The following RGS7 variants were observed in gnomAD, a reference collection of about 807,000 sequenced individuals.
RGS7 encodes regulator of G-protein signaling 7.
Under a neutral mutation model 81.1 loss-of-function variants are expected in RGS7, and 27 were observed. The observed-to-expected ratio is 0.33, with a 90% CI of 0.25 to 0.46. The LOEUF (loss-of-function observed/expected upper bound fraction) is 0.46, where lower values mean the gene tolerates loss of function less well. Among genes scored for constraint, RGS7 ranks in the 20% least tolerant of loss-of-function variants. RGS7 has a pLI of 1.00. For synonymous variants in RGS7, 208 were observed against 207.7 expected, an observed-to-expected ratio of 1.00 and a Z score of -0.01; for missense variants, 396 against 607.4, an observed-to-expected ratio of 0.65 and a Z score of 3.66.
Position 241,316,259 on chromosome 1 carries a change from G to A in RGS7, c.78+39440C>T, listed in dbSNP as rs75737191. On this transcript the variant is annotated intron_variant, in intron 2 of 18. Coordinates refer to ENST00000440928, the MANE Select transcript of RGS7 (RefSeq NM_001364886.1). ...ACCTCTCTCTGAACCCAGGTTTTGG[G>A]GGTTTGGGGAGAGTGCTGTTACACA... Among the ~76,000 whole-genome samples, 874 of 152,270 alleles carry A rather than the reference G, an allele frequency of 5.7e-3. 5 individuals are homozygous for A. The highest frequency in any genetic ancestry group is 0.019 in the African/African-American group (805 of 41,544).
intron 3 of RGS7, chr1:240,998,739 T>C (rs886307966): frequency 1.3e-5 from 11 of 857,696 alleles, no homozygotes; most frequent in African/African-American, 1.0e-4. Flanking sequence ...GGTCACCTCA[T>C]CATCGTGCGG....
At chr1:241,029,460 G>T (rs1298081874) in intron 3 of RGS7, among the ~76,000 whole-genome samples, 1 of 152,198 alleles carries the variant, frequency 6.6e-6, no homozygotes, top group Non-Finnish European at 1.5e-5. Flanking sequence ...AAACATTTTG[G>T]AAATGAGTTT....
At chr1:241,194,629 C>A (rs965310545) in intron 2 of RGS7, among the ~76,000 whole-genome samples, 2 of 152,146 alleles carry the variant, frequency 1.3e-5, no homozygotes, top group Admixed American at 6.5e-5. Context: ...CTAACTTCTG[C>A]TTATGGCAAT....
Position 241,288,691 on chromosome 1 carries a change from C to T in RGS7, c.78+67008G>A, listed in dbSNP as rs148208444. Among the ~76,000 whole-genome samples the T allele has an allele frequency of 4.1e-3, 620 of 152,244 alleles. 2 individuals carry two copies. Among genetic ancestry groups the T allele is most frequent in the Non-Finnish European group, 5.6e-3 (380 of 68,022 alleles). On this transcript the variant is annotated intron_variant, in intron 2 of 18. Transcript: ENST00000440928. ...TCTACTTCCATTTTCAAACTGAGGGCGCCTAACAATTGCAATCCTGTAAAG... is the reference window on the plus strand; with the variant it reads ...TCTACTTCCATTTTCAAACTGAGGGTGCCTAACAATTGCAATCCTGTAAAG...
intron 4 of RGS7, among the ~76,000 whole-genome samples, chr1:240,951,538 T>C (rs1310935590): frequency 6.6e-6 from 1 of 152,058 alleles, no homozygotes; most frequent in East Asian, 1.9e-4. Flanking sequence ...TACACAACTC[T>C]AAGGAAAGAA....
intron 3 of RGS7, among the ~76,000 whole-genome samples, chr1:241,062,011 T>G (rs576223610): frequency 7.9e-5 from 12 of 152,218 alleles, no homozygotes; most frequent in Non-Finnish European, 1.5e-4. Context: ...TCTATTTTTG[T>G]TTTTCCTTCA....
At chr1:241,085,958 T>C (rs1017220950) in intron 3 of RGS7, among the ~76,000 whole-genome samples, 2 of 152,170 alleles carry the variant, frequency 1.3e-5, no homozygotes, top group African/African-American at 4.8e-5. Context: ...TGAGCCTGCT[T>C]CCCTTGCTGC....
chr1:240,838,828 GCC>G (rs1695128883), intron 9 of RGS7, among the ~76,000 whole-genome samples: 1 of 151,466 alleles, frequency 6.6e-6, no homozygotes, highest in East Asian at 1.9e-4. Context: ...GTGCAGTGGC[GCC>G]ATCTCGGCTC....
At chr1:240,807,313 A>G (rs1030304970) in intron 14 of RGS7, among the ~76,000 whole-genome samples, 11 of 152,194 alleles carry the variant, frequency 7.2e-5, no homozygotes, top group Admixed American at 7.2e-4. Flanking sequence ...CAAACACTCT[A>G]CTAGAAAAAG....
chr1:241,201,856 G>T (rs2073526104), intron 2 of RGS7, among the ~76,000 whole-genome samples: 1 of 152,150 alleles, frequency 6.6e-6, no homozygotes, highest in East Asian at 1.9e-4. Flanking sequence ...AAGACTTTGG[G>T]ATTCCAAAGT....
chr1:241,053,904 G>A (rs1001464045), intron 3 of RGS7, among the ~76,000 whole-genome samples: 3 of 152,108 alleles, frequency 2.0e-5, no homozygotes, highest in Admixed American at 6.5e-5. Flanking sequence ...ACCTTCTGCC[G>A]TGATTGTGAG....
chr1:241,311,207 C>A (rs1415586571), intron 2 of RGS7, among the ~76,000 whole-genome samples: 1 of 152,168 alleles, frequency 6.6e-6, no homozygotes, highest in Non-Finnish European at 1.5e-5. Context: ...TTTTCTATAA[C>A]AACTTAGGCA....
chr1:241,123,851 T>C (rs1354850296), intron 2 of RGS7, among the ~76,000 whole-genome samples: 9 of 152,198 alleles, frequency 5.9e-5, no homozygotes, highest in Non-Finnish European at 5.9e-5. Flanking sequence ...GTCCTAGTCA[T>C]GGTAGCATGG....
At chr1:241,084,201 A>C (rs1318316274) in intron 3 of RGS7, among the ~76,000 whole-genome samples, 1 of 152,180 alleles carries the variant, frequency 6.6e-6, no homozygotes, top group Non-Finnish European at 1.5e-5. Context: ...TCTTTCCATA[A>C]CACTGAGACA....
chr1:240,860,342 C>T (rs922866387), intron 9 of RGS7, among the ~76,000 whole-genome samples: 2 of 152,084 alleles, frequency 1.3e-5, no homozygotes, highest in African/African-American at 4.8e-5. Context: ...ATCCATTTCT[C>T]CTTGTACTTC....
At chr1:241,158,189 C>T (rs2069338458) in intron 2 of RGS7, among the ~76,000 whole-genome samples, 1 of 152,024 alleles carries the variant, frequency 6.6e-6, no homozygotes, top group Admixed American at 6.6e-5. Context: ...TGCTTTTGAT[C>T]CACAATAGCA....
intron 4 of RGS7, among the ~76,000 whole-genome samples, chr1:240,950,032 T>C (rs1419363151): frequency 6.6e-6 from 1 of 152,164 alleles, no homozygotes; most frequent in Non-Finnish European, 1.5e-5. Context: ...AAAATCTGCA[T>C]AGACAGGCTC....
At chr1:240,972,502 C>A (rs1487580889) in intron 4 of RGS7, among the ~76,000 whole-genome samples, 1 of 115,922 alleles carries the variant, frequency 8.6e-6, no homozygotes, top group Non-Finnish European at 1.7e-5. Flanking sequence ...ACAATGAGAT[C>A]ACATGGACAC....
intron 6 of RGS7, among the ~76,000 whole-genome samples, chr1:240,900,477 G>A (rs1669808109): frequency 6.6e-6 from 1 of 152,156 alleles, no homozygotes; most frequent in South Asian, 2.1e-4. Context: ...GTTTTGGTGT[G>A]GATGTCCTTT....
Sources: gnomAD v4.1 joint callset for allele counts (sites outside exome capture counted in the v4.1 genomes callset) on GRCh38, gnomAD v4.1.1 for gene constraint, MANE v1.5 for transcripts, NCBI Gene and HGNC (gene_info 2026-07-23, HGNC 2026-07-21) for gene names.